The following FOCAD variants were observed in gnomAD, a reference collection of about 807,000 sequenced individuals.
FOCAD encodes KIAA1797.
A neutral mutation model predicts 225.6 loss-of-function variants in FOCAD; 198 were observed. The ratio of observed to expected loss-of-function variants is 0.88; its 90% CI spans 0.78 to 0.99. The LOEUF (loss-of-function observed/expected upper bound fraction) is 0.99, where lower values mean the gene tolerates loss of function less well. Ranked by LOEUF, FOCAD falls within the 50% of genes least tolerant of loss-of-function variation. The probability of loss-of-function intolerance (pLI) is 0.00; values close to 1 mark genes in which losing one functional copy is unlikely to be tolerated. For synonymous variants in FOCAD, 897 were observed against 755.0 expected (o/e 1.19, Z -3.08); for missense variants, 2,713 against 2,123.6 (o/e 1.28, Z -5.46).
chr9:20,779,245 G>C (rs7021616), intron 9 of FOCAD, among the ~76,000 whole-genome samples: 45,806 of 152,166 alleles, frequency 0.3, 7,514 homozygotes, highest in Non-Finnish European at 0.36. Flanking sequence ...GGCCAAGGGT[G>C]GCAAAAATGT....
intron 18 of FOCAD, among the ~76,000 whole-genome samples, chr9:20,871,821 A>G (rs1367676818): frequency 4.0e-5 from 6 of 149,544 alleles, no homozygotes; most frequent in African/African-American, 4.9e-5. Context: ...TGACGAGTTA[A>G]TGGGTGCAGC....
Position 20,990,110 on chromosome 9 carries a change from A to T in FOCAD, c.5005-13A>T. On this transcript the variant is annotated splice_polypyrimidine_tract_variant and intron_variant, in intron 41 of 43. Transcript: ENST00000338382. ...AAAAATATGACCTAACGTCATTTCTATTTTCATCGTAGGCTTTGGACTTCT... is the reference window on the plus strand; with the variant it reads ...AAAAATATGACCTAACGTCATTTCTTTTTTCATCGTAGGCTTTGGACTTCT... 1 of 1,613,436 alleles carries T rather than the reference A, an allele frequency of 6.2e-7. No individual in the cohort carries two copies. Among genetic ancestry groups the T allele is most frequent in the Non-Finnish European group, 8.5e-7 (1 of 1,179,488 alleles).
intron 15 of FOCAD, among the ~76,000 whole-genome samples, chr9:20,826,090 G>A (rs1824861534): frequency 6.6e-6 from 1 of 151,976 alleles, no homozygotes; most frequent in Non-Finnish European, 1.5e-5. Context: ...CTATTTCTTG[G>A]GTTCTGTAAT....
At chr9:20,938,219 T>C (rs1564177569) in intron 28 of FOCAD, among the ~76,000 whole-genome samples, 3 of 152,142 alleles carry the variant, frequency 2.0e-5, no homozygotes, top group Non-Finnish European at 4.4e-5. Context: ...ACCCAGCCAT[T>C]CCATTACTGG....
At chr9:20,937,200 A>C (rs563386807) in intron 28 of FOCAD, among the ~76,000 whole-genome samples, 127 of 146,212 alleles carry the variant, frequency 8.7e-4, no homozygotes, top group East Asian at 2.0e-3. Context: ...GCTACCAATG[A>C]CTTTCTTCAC....
intron 15 of FOCAD, among the ~76,000 whole-genome samples, chr9:20,842,079 T>C (rs548489847): frequency 2.0e-5 from 3 of 152,132 alleles, no homozygotes; most frequent in South Asian, 4.1e-4. Flanking sequence ...ATTCTTGTTA[T>C]TGATTTCTAG....
At chr9:20,975,330 G>C (rs1325195128) in intron 35 of FOCAD, among the ~76,000 whole-genome samples, 1 of 152,060 alleles carries the variant, frequency 6.6e-6, no homozygotes, top group Non-Finnish European at 1.5e-5. Flanking sequence ...CTTTAAATAG[G>C]AATATAATAT....
intron 11 of FOCAD, among the ~76,000 whole-genome samples, chr9:20,804,231 G>C (rs1258318372): frequency 5.9e-5 from 9 of 151,852 alleles, no homozygotes; most frequent in Admixed American, 5.9e-4. Context: ...ATGATAAATT[G>C]ATGAAATATC....
chr9:20,957,832 G>T (rs770867418), intron 35 of FOCAD, among the ~76,000 whole-genome samples: 5 of 151,588 alleles, frequency 3.3e-5, no homozygotes, highest in Admixed American at 3.3e-4. Flanking sequence ...ACATCGTTAT[G>T]CATATAGCTC....
At chr9:20,920,642 G>A (rs1834326705) in intron 24 of FOCAD, among the ~76,000 whole-genome samples, 2 of 150,378 alleles carry the variant, frequency 1.3e-5, no homozygotes, top group East Asian at 1.9e-4. Flanking sequence ...CATAAAAAAG[G>A]ATGAGTTCAT....
intron 15 of FOCAD, among the ~76,000 whole-genome samples, chr9:20,827,254 C>G (rs1361815633): frequency 1.3e-5 from 2 of 152,062 alleles, no homozygotes; most frequent in Admixed American, 6.6e-5. Context: ...CTTTCTGTCT[C>G]TGTGGATTTA....
At chr9:20,882,526 T>G (rs6475483) in intron 20 of FOCAD, among the ~76,000 whole-genome samples, 2 of 152,094 alleles carry the variant, frequency 1.3e-5, no homozygotes, top group Non-Finnish European at 2.9e-5. Context: ...GCTAGGAGAA[T>G]GGGCTTGAAA....
At chr9:20,681,666 T>C (rs1173744688), upstream of FOCAD, among the ~76,000 whole-genome samples, 2 of 152,184 alleles carry the variant, frequency 1.3e-5, no homozygotes, top group Non-Finnish European at 1.5e-5. Flanking sequence ...TCCATAAGGC[T>C]CTAGAATACG....
chr9:20,683,186 A>G (rs568780547), upstream of FOCAD: 20 of 152,356 alleles, frequency 1.3e-4, no homozygotes, highest in African/African-American at 4.8e-4. Flanking sequence ...TTCTTCCTAC[A>G]AATGAGAAAC....
At chr9:20,948,726 G>A (rs1471850377) in intron 31 of FOCAD, 125 bp from the exon 32 acceptor site, 2 of 1,006,294 alleles carry the variant, frequency 2.0e-6, no homozygotes, top group Non-Finnish European at 3.0e-6. Flanking sequence ...AGTTATACAG[G>A]TTACGTTGAC....
chr9:20,725,130 C>T (rs1206744220), intron 4 of FOCAD, among the ~76,000 whole-genome samples: 1 of 152,224 alleles, frequency 6.6e-6, no homozygotes, highest in Non-Finnish European at 1.5e-5. Flanking sequence ...CAAGATCGCA[C>T]TACTGCACTC....
chr9:20,801,576 C>G (rs1587226675), intron 11 of FOCAD, among the ~76,000 whole-genome samples: 1 of 152,108 alleles, frequency 6.6e-6, no homozygotes, highest in East Asian at 1.9e-4. Context: ...TGTAAAAAGT[C>G]ATAATAGGGG....
Position 20,710,092 on chromosome 9 carries a change from C to T in FOCAD, c.-32-5230C>T, listed in dbSNP as rs1824711584. ...CACATCTTCTTCTGTATAGTTCTAT[C>T]ACCATTGATATTTGAGTAATTATAT... On this transcript the variant is annotated intron_variant, in intron 1 of 43. Transcript: ENST00000338382. Among the ~76,000 whole-genome samples the T allele has an allele frequency of 2.0e-5, 3 of 152,180 alleles. No homozygotes were observed. In the South Asian group the frequency reaches 6.2e-4, roughly 31 times the overall value.
intron 1 of FOCAD, among the ~76,000 whole-genome samples, chr9:20,697,536 C>G (rs1823476033): frequency 6.6e-6 from 1 of 152,238 alleles, no homozygotes. Flanking sequence ...GCCAAACATG[C>G]TTCCATCTCA....
Sources: gnomAD v4.1 joint callset for allele counts (sites outside exome capture counted in the v4.1 genomes callset) on GRCh38, gnomAD v4.1.1 for gene constraint, MANE v1.5 for transcripts, NCBI Gene and HGNC (gene_info 2026-07-23, HGNC 2026-07-21) for gene names.